Variants in FBRSL1 observed in about 807,000 individuals in gnomAD.
FBRSL1 encodes fibrosin like 1.
Under a neutral mutation model 89.6 loss-of-function variants are expected in FBRSL1, and 51 were observed. That is an observed-to-expected ratio of 0.57 (90% confidence interval 0.45 to 0.72). FBRSL1 has a LOEUF of 0.72. Ranked by LOEUF, FBRSL1 falls within the 30% of genes least tolerant of loss-of-function variation. The probability of loss-of-function intolerance (pLI) is 0.00; values close to 1 mark genes in which losing one functional copy is unlikely to be tolerated. For missense variants in FBRSL1, 1,618 were observed against 1,451.8 expected (o/e 1.11, Z -1.86); for synonymous variants, 779 against 681.1 (o/e 1.14, Z -2.24).
At chr12:132,541,250 C>T (rs2037242489) in intron 4 of FBRSL1, among the ~76,000 whole-genome samples, 1 of 152,200 alleles carries the variant, frequency 6.6e-6, no homozygotes, top group Non-Finnish European at 1.5e-5. Flanking sequence ...ACACCACACC[C>T]CTACCCTGAG....
At chr12:132,571,478 C>A in intron 9 of FBRSL1, 1 of 1,549,662 alleles carries the variant, frequency 6.5e-7, no homozygotes, top group African/African-American at 1.4e-5. Flanking sequence ...ACATTCGCCC[C>A]CTTCCCCGCA....
chr12:132,536,269 A>G (rs1037681435), intron 4 of FBRSL1, among the ~76,000 whole-genome samples: 1 of 149,632 alleles, frequency 6.7e-6, no homozygotes, highest in Non-Finnish European at 1.5e-5. Flanking sequence ...CCATGTGTAC[A>G]TGATGGTGTG....
chr12:132,555,610 G>C (rs528538756), intron 5 of FBRSL1, among the ~76,000 whole-genome samples: 1 of 152,298 alleles, frequency 6.6e-6, no homozygotes, highest in African/African-American at 2.4e-5. Context: ...ATGGTGTTGG[G>C]TTCATGCTCC....
chr12:132,507,897 A>G (rs1166258859), intron 1 of FBRSL1, among the ~76,000 whole-genome samples: 1 of 151,960 alleles, frequency 6.6e-6, no homozygotes, highest in Non-Finnish European at 1.5e-5. Context: ...TCCCTGCTGG[A>G]CTAAGCTTTT....
intron 3 of FBRSL1, 56 bp from the exon 4 acceptor site, chr12:132,527,897 C>G (rs2035937557): frequency 6.5e-7 from 1 of 1,527,276 alleles, no homozygotes; most frequent in African/African-American, 1.4e-5. Context: ...GGGTGCATCC[C>G]TGGGAGTTTG....
At chr12:132,575,701 G>A (rs1166352136) in intron 14 of FBRSL1, among the ~76,000 whole-genome samples, 2 of 152,278 alleles carry the variant, frequency 1.3e-5, no homozygotes, top group African/African-American at 4.8e-5. Context: ...GGCAGATCCT[G>A]CAAGAGGCCG....
In FBRSL1 at chr12:132,566,689, C is replaced by G. The variant is rs548699506; in HGVS notation, c.646-792C>G. 2.0e-5 allele frequency among the ~76,000 whole-genome samples: 3 copies of G among 152,382 alleles called. No homozygotes were observed. In the South Asian group the frequency reaches 6.2e-4, roughly 32 times the overall value. On this transcript the variant is annotated intron_variant, in intron 5 of 18. Transcript: ENST00000680143. ...GACACTCAGCTGCCTCTCAGCAACA[C>G]TGGGCACCAGGCCTAGAGCTTGGCC...
At chr12:132,559,939 C>G (rs946276383) in intron 5 of FBRSL1, 2 of 148,212 alleles carry the variant, frequency 1.3e-5, no homozygotes, top group Non-Finnish European at 3.0e-5. Context: ...CGCCCCCGCC[C>G]CGCCCGCGCT....
rs772722240 is a variant in FBRSL1 at position 132,570,371 on chromosome 12, C to T, written c.1044C>T (p.His348=). ...SSSAPLGLGK[H]VSLSPHGPGP... is the part of the protein sequence containing the mutation. ...GCGCCCCCCTGGGCCTGGGGAAGCA[C>T]GTGTCGCTGTCGCCACACGGGCCGG... The change falls in exon 8 of 19, where the codon CAC becomes CAT. Residue 348 remains histidine (H), a synonymous_variant. Transcript: ENST00000680143. The T allele has an allele frequency of 4.6e-6, 7 of 1,533,412 alleles. No individual in the cohort carries two copies. The South Asian group carries it at 7.2e-5, about 16-fold the overall frequency. 95.0% of individuals were successfully genotyped at this position (1,533,412 alleles called of 1,614,324 possible).
At chr12:132,542,259 G>T (rs1372947350) in intron 4 of FBRSL1, among the ~76,000 whole-genome samples, 1 of 152,118 alleles carries the variant, frequency 6.6e-6, no homozygotes, top group African/African-American at 2.4e-5. Context: ...GGCTCAACAG[G>T]GCCCCACGGA....
chr12:132,569,217 G>C lies in FBRSL1; in HGVS notation c.692-709G>C, dbSNP rs532124010. Among the ~76,000 whole-genome samples the C allele has an allele frequency of 5.6e-3, 699 of 125,154 alleles. 9 individuals carry two copies. Among genetic ancestry groups the C allele is most frequent in the African/African-American group, 0.02 (662 of 33,178 alleles). The allele number at this position is 125,154 out of a possible 152,430, so 82.1% of individuals were successfully genotyped here. ...AGGAGGGTTTGGGGTGTGCGGGGGT[G>C]GGGGGGGCAGGCCCCAGGGGCTCAG... On this transcript the variant is annotated intron_variant, in intron 6 of 18. Coordinates refer to ENST00000680143, the MANE Select transcript of FBRSL1 (RefSeq NM_001367871.1).
At chr12:132,568,352 C>G (rs1308238041) in intron 6 of FBRSL1, among the ~76,000 whole-genome samples, 2 of 152,284 alleles carry the variant, frequency 1.3e-5, no homozygotes, top group East Asian at 3.8e-4. Context: ...TACTGCCCTT[C>G]AGCAGGCATG....
intron 8 of FBRSL1, among the ~76,000 whole-genome samples, 175 bp from the exon 9 acceptor site, chr12:132,570,893 A>G (rs2039966447): frequency 1.3e-5 from 2 of 151,994 alleles, no homozygotes; most frequent in Non-Finnish European, 2.9e-5. Flanking sequence ...TCCCAGTGGA[A>G]CCCCGACCGC....
intron 4 of FBRSL1, among the ~76,000 whole-genome samples, chr12:132,537,377 A>G (rs1593394134): frequency 6.6e-6 from 1 of 152,070 alleles, no homozygotes; most frequent in African/African-American, 2.4e-5. Context: ...CACAGCACAA[A>G]TGCCAGTCCA....
In FBRSL1 at chr12:132,571,075, C is replaced by T. The variant is rs1354318026; in HGVS notation, c.1221C>T (p.Ser407=). ...LVLPGHPADA[S]LAVSFSQPIM... ...GTTCTCTCTTGCCTCTAGATGCCAG[C>T]CTGGCGGTCTCATTCAGCCAGCCAA... The change falls in exon 9 of 19, where the codon AGC becomes AGT. Residue 407 remains serine (S), a synonymous_variant. Coordinates refer to ENST00000680143, the MANE Select transcript of FBRSL1 (RefSeq NM_001367871.1). 2 of 1,346,098 alleles carry T rather than the reference C, an allele frequency of 1.5e-6. No individual in the cohort carries two copies. The highest frequency in any genetic ancestry group is 1.9e-6 in the Non-Finnish European group (2 of 1,051,664). The allele number at this position is 1,346,098 out of a possible 1,614,324, so 83.4% of individuals were successfully genotyped here. A position where few individuals can be genotyped will look rare whatever the true frequency, so the allele number is the denominator to read the frequency against.
chr12:132,528,338 C>A (rs531337945), intron 4 of FBRSL1, among the ~76,000 whole-genome samples: 1 of 152,120 alleles, frequency 6.6e-6, no homozygotes, highest in Non-Finnish European at 1.5e-5. Flanking sequence ...CCGGGATCCG[C>A]GGGGCCAAGG....
chr12:132,558,921 C>G (rs751655512), intron 5 of FBRSL1, among the ~76,000 whole-genome samples: 2 of 152,264 alleles, frequency 1.3e-5, no homozygotes, highest in Non-Finnish European at 1.5e-5. Context: ...TTGGAGAGGA[C>G]CCGTCCTTAA....
At chr12:132,528,877 G>T (rs906639675) in intron 4 of FBRSL1, among the ~76,000 whole-genome samples, 1 of 152,170 alleles carries the variant, frequency 6.6e-6, no homozygotes, top group African/African-American at 2.4e-5. Context: ...ACGGTGGAGG[G>T]CTCCTTGCAC....
chr12:132,571,169 C>A lies in FBRSL1; in HGVS notation c.1315C>A (p.Pro439Thr). Reference protein sequence around the residue: ...TWSQAPLLPAPLGPHVASGHP... With the variant: ...TWSQAPLLPATLGPHVASGHP... ...GTCACAGGCTCCTCTCTTACCTGCA[C>A]CCCTGGGCCCGCACGTGGCGAGCGG... is the stretch of plus-strand genomic sequence containing the variant. Residue 439 changes from proline (P) to threonine (T), a missense_variant, in exon 9 of 19, where the codon CCC becomes ACC. Pro to Thr is a conservative substitution (Grantham distance 38). Coordinates refer to ENST00000680143, the MANE Select transcript of FBRSL1 (RefSeq NM_001367871.1). The A allele has an allele frequency of 7.0e-7, 1 of 1,424,788 alleles. No individual in the cohort carries two copies. Among genetic ancestry groups the A allele is most frequent in the Non-Finnish European group, 9.2e-7 (1 of 1,089,758 alleles). The allele number at this position is 1,424,788 out of a possible 1,614,324, so 88.3% of individuals were successfully genotyped here.
Sources: allele counts gnomAD v4.1 joint callset (sites outside exome capture counted in the v4.1 genomes callset), GRCh38; gene constraint gnomAD v4.1.1; transcripts MANE v1.5; gene names NCBI Gene and HGNC (gene_info 2026-07-23, HGNC 2026-07-21).